The following PRLR variants were observed in gnomAD, a reference collection of about 807,000 sequenced individuals.
PRLR encodes prolactin receptor.
A neutral mutation model predicts 40.2 loss-of-function variants in PRLR; 13 were observed. That is an observed-to-expected ratio of 0.32 (90% CI 0.21 to 0.51). PRLR has a LOEUF of 0.51. PRLR is among the 20% of genes least tolerant of loss of function. The pLI is 0.97. For missense variants in PRLR, 656 were observed against 747.3 expected (o/e 0.88, Z 1.42); for synonymous variants, 269 against 278.7 (o/e 0.97, Z 0.35).
In PRLR at chr5:35,063,370, G is replaced by A. The variant is rs1769156917; in HGVS notation, c.*1719C>T. 1 of 152,136 alleles carries A rather than the reference G, an allele frequency of 6.6e-6. No homozygotes were observed. The highest frequency in any genetic ancestry group is 1.5e-5 in the Non-Finnish European group (1 of 68,028). 9.4% of individuals were successfully genotyped at this position (152,136 alleles called of 1,614,324 possible). A position where few individuals can be genotyped will look rare whatever the true frequency, so the allele number is the denominator to read the frequency against. ...CCAGAGGTGAGCTCAAGTTCTCTATGTCCAGCTAGTAAATGGACATATAGA... is the reference window on the plus strand; with the variant it reads ...CCAGAGGTGAGCTCAAGTTCTCTATATCCAGCTAGTAAATGGACATATAGA... On this transcript the variant is annotated 3_prime_UTR_variant, in exon 10 of 10. Coordinates refer to ENST00000618457, the MANE Select transcript of PRLR (RefSeq NM_000949.7).
intron 1 of PRLR, among the ~76,000 whole-genome samples, chr5:35,164,993 TAA>T (rs1232840309): frequency 1.3e-5 from 2 of 152,170 alleles, no homozygotes; most frequent in Non-Finnish European, 2.9e-5. Flanking sequence ...GAGAGGGAAA[TAA>T]AGAGTCCCCT....
chr5:35,170,190 T>C (rs1411375863), intron 1 of PRLR, among the ~76,000 whole-genome samples: 1 of 152,212 alleles, frequency 6.6e-6, no homozygotes, highest in East Asian at 1.9e-4. Context: ...TGCTGCAATA[T>C]AAGCAGCCGT....
Position 35,210,435 on chromosome 5 carries a change from C to G in PRLR, c.-106+19833G>C, listed in dbSNP as rs1235969705. Among the ~76,000 whole-genome samples the G allele has an allele frequency of 2.0e-5, 3 of 152,172 alleles. No homozygotes were observed. In the East Asian group the frequency reaches 5.8e-4, roughly 29 times the overall value. ...TTTTAATGTGAACTTCTGTACAAGA[C>G]TTTCAATGACACACAGTTCCTTCTA... On this transcript the variant is annotated intron_variant, in intron 1 of 9. Transcript: ENST00000618457.
chr5:35,054,958 T>C (rs977073552), downstream of PRLR, among the ~76,000 whole-genome samples: 1 of 152,194 alleles, frequency 6.6e-6, no homozygotes, highest in African/African-American at 2.4e-5. Context: ...AAATACAGCA[T>C]CTGTGATATT....
At chr5:35,097,735 G>A (rs773342870) in intron 2 of PRLR, among the ~76,000 whole-genome samples, 2 of 152,104 alleles carry the variant, frequency 1.3e-5, no homozygotes, top group Non-Finnish European at 2.9e-5. Flanking sequence ...TGTGGGAACC[G>A]GGGAGAGCTC....
intron 2 of PRLR, among the ~76,000 whole-genome samples, chr5:35,108,086 A>G (rs1772391007): frequency 6.6e-6 from 1 of 152,166 alleles, no homozygotes; most frequent in Admixed American, 6.5e-5. Context: ...AAATCAATAA[A>G]CGTAATCCAG....
chr5:35,187,286 A>G (rs6869811), intron 1 of PRLR, among the ~76,000 whole-genome samples: 122,907 of 151,338 alleles, frequency 0.81, 50,650 homozygotes, highest in Middle Eastern at 0.88. Flanking sequence ...CTGTATTCCC[A>G]GCTACTAGGG....
chr5:35,077,078 C>A (rs1770155130), intron 5 of PRLR, among the ~76,000 whole-genome samples: 2 of 152,148 alleles, frequency 1.3e-5, no homozygotes, highest in South Asian at 2.1e-4. Flanking sequence ...CCGGTACCAG[C>A]CACTGCAAAA....
intron 2 of PRLR, among the ~76,000 whole-genome samples, chr5:35,099,362 T>C (rs1010888267): frequency 1.3e-5 from 2 of 152,242 alleles, no homozygotes; most frequent in African/African-American, 4.8e-5. Flanking sequence ...AACGTAATGC[T>C]TTACGCCGTG....
chr5:35,128,243 A>C (rs1773534718), intron 1 of PRLR, among the ~76,000 whole-genome samples: 1 of 151,158 alleles, frequency 6.6e-6, no homozygotes, highest in Admixed American at 6.6e-5. Context: ...TCCACATACA[A>C]ATTGGTTATA....
At chr5:35,085,491 G>A (rs556987435) in intron 4 of PRLR, among the ~76,000 whole-genome samples, 1 of 152,326 alleles carries the variant, frequency 6.6e-6, no homozygotes, top group African/African-American at 2.4e-5. Flanking sequence ...AGATGATCTG[G>A]TTTAGCCCTC....
rs562713788 is a variant in PRLR at position 35,095,686 on chromosome 5, G to A, written c.-43-6023C>T. 2.0e-5 allele frequency among the ~76,000 whole-genome samples: 3 copies of A among 152,336 alleles called. No homozygotes were observed. The South Asian group carries it at 6.2e-4, about 32-fold the overall frequency. ...AGTTCACAAGAGGACACTTGCTCGT[G>A]TGGTCATTCATTATTATTTTTTTAT... On this transcript the variant is annotated intron_variant, in intron 2 of 9. Coordinates refer to ENST00000618457, the MANE Select transcript of PRLR (RefSeq NM_000949.7).
At chr5:35,206,103 T>C (rs779639125) in intron 1 of PRLR, among the ~76,000 whole-genome samples, 33 of 152,108 alleles carry the variant, frequency 2.2e-4, no homozygotes, top group Admixed American at 1.9e-3. Flanking sequence ...GTAGCCATTA[T>C]GAGATAAAAG....
At chr5:35,143,198 A>G (rs1342465822) in intron 1 of PRLR, among the ~76,000 whole-genome samples, 6 of 152,256 alleles carry the variant, frequency 3.9e-5, no homozygotes, top group African/African-American at 1.4e-4. Flanking sequence ...TGTGGCCCAT[A>G]GGGTCTTTGT....
intron 6 of PRLR, among the ~76,000 whole-genome samples, chr5:35,071,190 AC>A (rs1195312926): frequency 6.6e-6 from 1 of 152,218 alleles, no homozygotes. Context: ...AAGTCTGGTT[AC>A]AGGAAATGGA....
intron 1 of PRLR, among the ~76,000 whole-genome samples, chr5:35,167,178 T>TATCTATCTATCTATC (rs1774863115): frequency 6.7e-6 from 1 of 149,972 alleles, no homozygotes; most frequent in African/African-American, 2.4e-5. Context: ...TCTATCTATC[T>TATCTATCTATCTATC]ATCTATCTAT....
intron 6 of PRLR, among the ~76,000 whole-genome samples, chr5:35,070,820 T>C (rs1769699580): frequency 8.3e-6 from 1 of 120,694 alleles, no homozygotes; most frequent in Admixed American, 1.1e-4. Flanking sequence ...TCCAGCTGAG[T>C]GACAAAGCGA....
At chr5:35,222,176 G>A (rs1776439858) in intron 1 of PRLR, among the ~76,000 whole-genome samples, 3 of 152,112 alleles carry the variant, frequency 2.0e-5, no homozygotes, top group Admixed American at 2.0e-4. Context: ...GGTGGCGCGT[G>A]CCTGTAGTCC....
chr5:35,067,386 A>G (rs1333468666), intron 9 of PRLR, among the ~76,000 whole-genome samples: 1 of 152,164 alleles, frequency 6.6e-6, no homozygotes, highest in Non-Finnish European at 1.5e-5. Context: ...TATCAGGCCA[A>G]TGCTACACTG....
Sources: gnomAD v4.1 joint callset for allele counts (sites outside exome capture counted in the v4.1 genomes callset) on GRCh38, gnomAD v4.1.1 for gene constraint, MANE v1.5 for transcripts, NCBI Gene and HGNC (gene_info 2026-07-23, HGNC 2026-07-21) for gene names.